The following AUTS2 variants were observed in gnomAD, a reference collection of about 807,000 sequenced individuals.
AUTS2 encodes activator of transcription and developmental regulator AUTS2.
AUTS2 carries 17 observed loss-of-function variants against 112.4 expected under a neutral mutation model. The observed-to-expected ratio is 0.15, with a 90% CI of 0.10 to 0.23. The LOEUF (loss-of-function observed/expected upper bound fraction) is 0.23. Ranked by LOEUF, AUTS2 falls within the 10% of genes least tolerant of loss-of-function variation. AUTS2 has a pLI of 1.00. For synonymous variants in AUTS2, 751 were observed against 702.7 expected, an observed-to-expected ratio of 1.07 and a Z score of -1.09; for missense variants, 1,510 against 1,701.6, an observed-to-expected ratio of 0.89 and a Z score of 1.98.
chr7:70,361,250 G>C (rs1216085121), intron 4 of AUTS2, among the ~76,000 whole-genome samples: 1 of 151,970 alleles, frequency 6.6e-6, no homozygotes, highest in Non-Finnish European at 1.5e-5. Context: ...GGAGAATGGC[G>C]TGAACACGGG....
chr7:70,394,540 G>A (rs1363132251), intron 4 of AUTS2, among the ~76,000 whole-genome samples: 1 of 152,184 alleles, frequency 6.6e-6, no homozygotes, highest in African/African-American at 2.4e-5. Flanking sequence ...AACATGAGAT[G>A]AGTTGAAAAT....
At chr7:70,122,795 A>C (rs539434955) in intron 3 of AUTS2, among the ~76,000 whole-genome samples, 7 of 149,538 alleles carry the variant, frequency 4.7e-5, no homozygotes, top group South Asian at 4.3e-4. Context: ...TCCCTCACTC[A>C]TGTGCAGGTC....
At chr7:70,712,193 CTTTTTTTTT>C (rs67326941) in intron 6 of AUTS2, among the ~76,000 whole-genome samples, 1 of 45,176 alleles carries the variant, frequency 2.2e-5, no homozygotes, top group Non-Finnish European at 3.8e-5. Context: ...GCCTGGCTCA[CTTTTTTTTT>C]TTTTTTTTTT....
At chr7:70,196,610 A>G (rs1373551663) in intron 4 of AUTS2, among the ~76,000 whole-genome samples, 5 of 152,256 alleles carry the variant, frequency 3.3e-5, no homozygotes, top group Non-Finnish European at 7.3e-5. Context: ...GGCAGCATCT[A>G]TAGGGACATG....
At chr7:70,778,262 C>T (rs545727018) in intron 14 of AUTS2, among the ~76,000 whole-genome samples, 26 of 152,192 alleles carry the variant, frequency 1.7e-4, no homozygotes, top group Admixed American at 3.3e-4. Flanking sequence ...GGCTATGTTA[C>T]GATGCCTGCA....
intron 6 of AUTS2, among the ~76,000 whole-genome samples, chr7:70,730,226 T>G (rs1787298149): frequency 7.0e-6 from 1 of 143,414 alleles, no homozygotes; most frequent in Non-Finnish European, 1.5e-5. Context: ...AGTTTTTTTT[T>G]TTGTTTTTTG....
intron 2 of AUTS2, among the ~76,000 whole-genome samples, chr7:70,044,134 G>T (rs1251580396): frequency 2.0e-5 from 3 of 152,136 alleles, no homozygotes; most frequent in Admixed American, 6.5e-5. Context: ...AGGCACAACA[G>T]CTCCCAGCAC....
intron 5 of AUTS2, among the ~76,000 whole-genome samples, chr7:70,453,109 G>A (rs1211177951): frequency 2.0e-5 from 3 of 152,154 alleles, no homozygotes. Flanking sequence ...TACCCAGGAG[G>A]TGAAGCTTTC....
intron 5 of AUTS2, among the ~76,000 whole-genome samples, chr7:70,696,610 G>A (rs565012464): frequency 6.6e-6 from 1 of 152,214 alleles, no homozygotes; most frequent in South Asian, 2.1e-4. Context: ...AATCCCATGT[G>A]GAGCTGACAA....
At chr7:69,652,971 A>G (rs1795359011) in intron 1 of AUTS2, among the ~76,000 whole-genome samples, 1 of 152,182 alleles carries the variant, frequency 6.6e-6, no homozygotes, top group South Asian at 2.1e-4. Flanking sequence ...GTAGTGCTTT[A>G]GCTAGGAGGC....
At chr7:70,693,432 G>C (rs763404415) in intron 5 of AUTS2, among the ~76,000 whole-genome samples, 46 of 152,228 alleles carry the variant, frequency 3.0e-4, no homozygotes, top group Non-Finnish European at 4.0e-4. Flanking sequence ...GTGTGCACGT[G>C]TCAGAGGGTG....
Position 70,251,068 on chromosome 7 carries a change from C to CT in AUTS2, c.660+116508dup, listed in dbSNP as rs972780982. Among the ~76,000 whole-genome samples the CT allele has an allele frequency of 5.0e-3, 728 of 146,676 alleles. 2 individuals carry two copies. The highest frequency in any genetic ancestry group is 0.018 in the Middle Eastern group (5 of 284). On this transcript the variant is annotated intron_variant, in intron 4 of 18. Transcript: ENST00000342771. The stretch of plus-strand genomic sequence containing the variant: ...ATAAATTTCCAGTTATAAAATATTT[C>CT]TTTTTTTTTTTGTTGAGACGGAGTC...
intron 1 of AUTS2, among the ~76,000 whole-genome samples, chr7:69,618,306 C>A (rs1475098857): frequency 6.6e-6 from 1 of 152,200 alleles, no homozygotes; most frequent in Non-Finnish European, 1.5e-5. Context: ...TCACAACCCA[C>A]TTCTGTGACT....
chr7:70,019,126 G>A (rs995094797), intron 2 of AUTS2, among the ~76,000 whole-genome samples: 1 of 152,182 alleles, frequency 6.6e-6, no homozygotes, highest in Non-Finnish European at 1.5e-5. Flanking sequence ...ATGGATAGGA[G>A]CTGTAGGCTA....
chr7:70,765,877 G>C (rs6959436), intron 8 of AUTS2, among the ~76,000 whole-genome samples: 1 of 151,898 alleles, frequency 6.6e-6, no homozygotes, highest in Non-Finnish European at 1.5e-5. Context: ...TTGTTCCCCA[G>C]ATTGATAGAC....
At chr7:69,852,115 T>G (rs1321670748) in intron 1 of AUTS2, among the ~76,000 whole-genome samples, 1 of 152,194 alleles carries the variant, frequency 6.6e-6, no homozygotes, top group African/African-American at 2.4e-5. Flanking sequence ...TGTAGGTTTT[T>G]GGGTAGTTGT....
intron 5 of AUTS2, among the ~76,000 whole-genome samples, chr7:70,654,422 C>G (rs933950339): frequency 6.6e-6 from 1 of 152,034 alleles, no homozygotes; most frequent in African/African-American, 2.4e-5. Flanking sequence ...AAAAATAAGA[C>G]GGAGGTCACA....
rs769900037 is a variant in AUTS2 at position 70,290,480 on chromosome 7, C to A, written c.661-145272C>A. On this transcript the variant is annotated intron_variant, in intron 4 of 18. Coordinates refer to ENST00000342771, the MANE Select transcript of AUTS2 (RefSeq NM_015570.4). ...GCCAGTAATAGGGAGAGTTTCTTTTCTCTCGTCAAATTGCTTAAAGGATTC... is the reference window on the plus strand; with the variant it reads ...GCCAGTAATAGGGAGAGTTTCTTTTATCTCGTCAAATTGCTTAAAGGATTC... 4 of 1,540,000 alleles carry A rather than the reference C, an allele frequency of 2.6e-6. No individual in the cohort carries two copies. The South Asian group carries it at 3.7e-5, about 14-fold the overall frequency.
At chr7:70,062,109 C>G (rs527660154) in intron 2 of AUTS2, among the ~76,000 whole-genome samples, 1 of 151,604 alleles carries the variant, frequency 6.6e-6, no homozygotes, top group Non-Finnish European at 1.5e-5. Flanking sequence ...TCCCTAATTT[C>G]TCTCACAAAC....
Sources: gnomAD v4.1 joint callset for allele counts (sites outside exome capture counted in the v4.1 genomes callset) on GRCh38, gnomAD v4.1.1 for gene constraint, MANE v1.5 for transcripts, NCBI Gene and HGNC (gene_info 2026-07-23, HGNC 2026-07-21) for gene names.